PSPC1: variants seen among roughly 807,000 people sequenced by gnomAD.
PSPC1 encodes paraspeckle component 1, also known as paraspeckle protein 1.
PSPC1 carries 14 observed loss-of-function variants against 51.6 expected under a neutral mutation model. The observed-to-expected ratio is 0.27, with a 90% CI of 0.18 to 0.42. The LOEUF is 0.42. PSPC1 is among the 10% of genes least tolerant of loss of function. The pLI, the probability that PSPC1 is intolerant of heterozygous loss-of-function variation, is 1.00. For synonymous variants in PSPC1, 193 were observed against 231.9 expected (o/e 0.83, Z 1.53); for missense variants, 406 against 701.1 (o/e 0.58, Z 4.75).
chr13:19,722,454 C>T (rs760906801), intron 6 of PSPC1, among the ~76,000 whole-genome samples: 2 of 151,100 alleles, frequency 1.3e-5, no homozygotes, highest in African/African-American at 4.9e-5. Flanking sequence ...GCGCTATGAT[C>T]GTGCCACTGA....
chr13:19,719,461 C>T (rs1195530933), intron 6 of PSPC1, among the ~76,000 whole-genome samples: 1 of 152,140 alleles, frequency 6.6e-6, no homozygotes, highest in Non-Finnish European at 1.5e-5. Flanking sequence ...TGCCACCGCA[C>T]CCAGCTAATT....
In PSPC1 at chr13:19,751,581, T is replaced by A. The variant is rs1886558147; in HGVS notation, c.771-114A>T. On this transcript the variant is annotated intron_variant, in intron 3 of 8. Transcript: ENST00000338910. ...CACCGTGTGAGACACCGTGTCTACA[T>A]GAATTACCTCGTGACAATATTGTGA... The A allele has an allele frequency of 5.1e-6, 3 of 592,608 alleles. No individual in the cohort carries two copies. In the South Asian group the frequency reaches 1.5e-4, roughly 29 times the overall value. The allele number at this position is 592,608 out of a possible 1,614,324, so 36.7% of individuals were successfully genotyped here.
At chr13:19,741,022 G>C (rs529977278) in intron 5 of PSPC1, among the ~76,000 whole-genome samples, 1 of 151,954 alleles carries the variant, frequency 6.6e-6, no homozygotes, top group East Asian at 1.9e-4. Context: ...TTACAGGCGC[G>C]TGCCACCACA....
At chr13:19,768,624 G>T (rs1888302433) in intron 2 of PSPC1, among the ~76,000 whole-genome samples, 1 of 150,366 alleles carries the variant, frequency 6.7e-6, no homozygotes, top group Non-Finnish European at 1.5e-5. Context: ...CTCCAGGCTG[G>T]GCAACAGAGC....
downstream of PSPC1, among the ~76,000 whole-genome samples, chr13:19,671,515 G>A (rs539930150): frequency 6.6e-6 from 1 of 152,192 alleles, no homozygotes; most frequent in Non-Finnish European, 1.5e-5. Context: ...TGCCTCTCTA[G>A]AGGATGGAGC....
chr13:19,722,822 T>A (rs1882932942), intron 6 of PSPC1, among the ~76,000 whole-genome samples: 1 of 148,096 alleles, frequency 6.8e-6, no homozygotes, highest in African/African-American at 2.5e-5. Context: ...AACAAAAAAA[T>A]TTTCTGGCCA....
chr13:19,738,905 C>CAA (rs35177083), intron 5 of PSPC1, among the ~76,000 whole-genome samples: 54 of 112,026 alleles, frequency 4.8e-4, no homozygotes, highest in African/African-American at 1.7e-3. Flanking sequence ...GACTCCATCT[C>CAA]AAAAAAAAAA....
chr13:19,736,553 G>C (rs1380226866), intron 5 of PSPC1, among the ~76,000 whole-genome samples: 2 of 152,024 alleles, frequency 1.3e-5, no homozygotes, highest in Admixed American at 1.3e-4. Flanking sequence ...TGTGGTGACA[G>C]GCGCCTGTAA....
chr13:19,746,638 T>C (rs1299278742), intron 4 of PSPC1, among the ~76,000 whole-genome samples: 1 of 151,754 alleles, frequency 6.6e-6, no homozygotes, highest in Non-Finnish European at 1.5e-5. Flanking sequence ...GAACCGGAGG[T>C]TGTAGTGAGC....
intron 6 of PSPC1, among the ~76,000 whole-genome samples, chr13:19,682,202 T>C (rs9551973): frequency 0.12 from 18,244 of 152,220 alleles, 1,207 homozygotes; most frequent in Middle Eastern, 0.16. Context: ...GACAACTAGA[T>C]GATGTTTTAA....
chr13:19,706,195 T>A (rs1019091569), intron 7 of PSPC1, among the ~76,000 whole-genome samples: 1 of 152,154 alleles, frequency 6.6e-6, no homozygotes, highest in Non-Finnish European at 1.5e-5. Flanking sequence ...TAACAAAGGA[T>A]TAGCACTTAC....
intron 6 of PSPC1, among the ~76,000 whole-genome samples, chr13:19,685,229 G>C (rs552425534): frequency 1.3e-5 from 2 of 152,268 alleles, no homozygotes; most frequent in South Asian, 2.1e-4. Context: ...CCCAACCTTT[G>C]GCCCTTGGTA....
chr13:19,688,327 AT>A (rs1331960063), intron 6 of PSPC1, among the ~76,000 whole-genome samples: 57 of 152,248 alleles, frequency 3.7e-4, no homozygotes, highest in African/African-American at 1.3e-3. Context: ...ATAATACTAG[AT>A]AACCTCCTGT....
At chr13:19,709,169 A>AC (rs1436173017) in intron 7 of PSPC1, among the ~76,000 whole-genome samples, 4 of 151,528 alleles carry the variant, frequency 2.6e-5, no homozygotes, top group Admixed American at 2.0e-4. Flanking sequence ...AAAAAAAAAA[A>AC]AAAAAAAAAA....
chr13:19,716,676 G>A (rs1882131334), intron 6 of PSPC1, among the ~76,000 whole-genome samples: 1 of 151,900 alleles, frequency 6.6e-6, no homozygotes, highest in South Asian at 2.1e-4. Context: ...TAATTCTAGA[G>A]AAAAATATAG....
intron 6 of PSPC1, among the ~76,000 whole-genome samples, chr13:19,715,049 C>T (rs1881930427): frequency 6.6e-6 from 1 of 152,122 alleles, no homozygotes; most frequent in Admixed American, 6.5e-5. Flanking sequence ...CTTCCCACTA[C>T]ACTAAAGGGA....
At chr13:19,725,016 A>G (rs1883207128) in intron 6 of PSPC1, among the ~76,000 whole-genome samples, 1 of 151,854 alleles carries the variant, frequency 6.6e-6, no homozygotes, top group African/African-American at 2.4e-5. Flanking sequence ...AAATAAAAAT[A>G]AAAATAAAAA....
At chr13:19,690,326 T>TCA (rs1878404424) in intron 6 of PSPC1, among the ~76,000 whole-genome samples, 1 of 152,214 alleles carries the variant, frequency 6.6e-6, no homozygotes, top group South Asian at 2.1e-4. Flanking sequence ...ATATGGATAA[T>TCA]CACATCAACA....
At chr13:19,696,496 CACGCACACACACACACACAT>C (rs200727735) in intron 6 of PSPC1, among the ~76,000 whole-genome samples, 6 of 141,774 alleles carry the variant, frequency 4.2e-5, no homozygotes, top group African/African-American at 1.6e-4. Context: ...ATCACACACA[CACGCACACACACACACACAT>C]ACGCACACAC....
Sources: allele counts gnomAD v4.1 joint callset (sites outside exome capture counted in the v4.1 genomes callset), GRCh38; gene constraint gnomAD v4.1.1; transcripts MANE v1.5; gene names NCBI Gene and HGNC (gene_info 2026-07-23, HGNC 2026-07-21).